The following INSYN2A variants were observed in gnomAD, a reference collection of about 807,000 sequenced individuals.
INSYN2A encodes inhibitory synaptic factor 2A.
Under a neutral mutation model 39.4 loss-of-function variants are expected in INSYN2A, and 17 were observed. The ratio of observed to expected loss-of-function variants is 0.43; its 90% CI spans 0.30 to 0.65. The LOEUF (loss-of-function observed/expected upper bound fraction) is 0.65. INSYN2A is among the 30% of genes least tolerant of loss of function. The probability of loss-of-function intolerance (pLI) is 0.14; values close to 1 mark genes in which losing one functional copy is unlikely to be tolerated. For synonymous variants in INSYN2A, 255 were observed against 265.7 expected, an observed-to-expected ratio of 0.96 and a Z score of 0.39; for missense variants, 595 against 631.2, an observed-to-expected ratio of 0.94 and a Z score of 0.61.
intron 2 of INSYN2A, among the ~76,000 whole-genome samples, chr10:127,184,771 A>G (rs893852405): frequency 1.8e-4 from 27 of 152,126 alleles, no homozygotes. Flanking sequence ...ATTTTCCAGG[A>G]CCGCGCCCTG....
At chr10:127,156,559 CTTCTTTTTTTTT>C (rs2053090624) in intron 4 of INSYN2A, among the ~76,000 whole-genome samples, 1 of 60,180 alleles carries the variant, frequency 1.7e-5, no homozygotes, top group Non-Finnish European at 3.1e-5. Context: ...TCTTCTTCTT[CTTCTTTTTTTTT>C]TTTTTTTTTT....
At chr10:127,151,666 C>T (rs764889946) in intron 5 of INSYN2A, among the ~76,000 whole-genome samples, 2 of 152,162 alleles carry the variant, frequency 1.3e-5, no homozygotes, top group African/African-American at 2.4e-5. Context: ...TAAAAGTTCT[C>T]GATGAGTAGT....
At chr10:127,177,487 C>A (rs2055271947) in intron 2 of INSYN2A, among the ~76,000 whole-genome samples, 1 of 152,252 alleles carries the variant, frequency 6.6e-6, no homozygotes, top group Admixed American at 6.5e-5. Flanking sequence ...GTGAGTGAGG[C>A]TTCGCCTTTT....
chr10:127,147,395 C>T (rs759522630), intron 5 of INSYN2A, among the ~76,000 whole-genome samples: 13 of 152,158 alleles, frequency 8.5e-5, no homozygotes, highest in Admixed American at 3.3e-4. Flanking sequence ...CCTCCCTCCA[C>T]GATTATCTTG....
At chr10:127,192,382 C>T (rs900725213) in intron 2 of INSYN2A, among the ~76,000 whole-genome samples, 4 of 152,186 alleles carry the variant, frequency 2.6e-5, no homozygotes, top group African/African-American at 4.8e-5. Flanking sequence ...TGCTGTTCTA[C>T]ATTCAAGTTA....
chr10:127,138,108 AGT>A, intron 5 of INSYN2A, 88 bp from the exon 6 acceptor site: 1 of 1,163,260 alleles, frequency 8.6e-7, no homozygotes, highest in South Asian at 1.6e-5. Context: ...GGGCATGATC[AGT>A]GTGTGTTTGT....
At position 127,176,406 on chromosome 10, in the gene INSYN2A, T is replaced by G. The variant is rs2055160964; in HGVS notation, c.-5-6A>C. On this transcript the variant is annotated splice_region_variant and splice_polypyrimidine_tract_variant and intron_variant, in intron 3 of 5. Coordinates refer to ENST00000522781, the MANE Select transcript of INSYN2A (RefSeq NM_001039762.3). This position sits in a 1 kb window ranked among gnomAD's most constrained non-coding sequence, Gnocchi z 4.4. ...GTCCTTACTGACCATGGTTCCTGCA[T>G]TCAGAAACAGCAACAGAGGTGTCAG... 6.3e-7 allele frequency: 1 copy of G among 1,587,560 alleles called. No individual in the cohort carries two copies. The highest frequency in any genetic ancestry group is 1.3e-5 in the African/African-American group (1 of 74,568).
intron 4 of INSYN2A, among the ~76,000 whole-genome samples, chr10:127,172,593 C>T (rs529704493): frequency 1.3e-5 from 2 of 152,238 alleles, no homozygotes; most frequent in South Asian, 4.2e-4. Context: ...ATAAGGTGGC[C>T]TTGAATTTTG....
At chr10:127,144,021 C>T (rs1375108418) in intron 5 of INSYN2A, among the ~76,000 whole-genome samples, 1 of 152,176 alleles carries the variant, frequency 6.6e-6, no homozygotes, top group Non-Finnish European at 1.5e-5. Flanking sequence ...GCTCCTCCTG[C>T]CTCAGCATCC....
chr10:127,158,067 T>G (rs533772103), intron 4 of INSYN2A, among the ~76,000 whole-genome samples: 1 of 152,324 alleles, frequency 6.6e-6, no homozygotes, highest in East Asian at 1.9e-4. Context: ...AGGGTTTGGC[T>G]TCACTGATAA....
intron 4 of INSYN2A, among the ~76,000 whole-genome samples, chr10:127,170,916 A>G (rs1052926193): frequency 1.2e-4 from 18 of 152,204 alleles, no homozygotes; most frequent in African/African-American, 4.3e-4. Flanking sequence ...ATTTTAGTGA[A>G]TTGCCCCAGT....
At chr10:127,138,161 A>G (rs926258074) in intron 5 of INSYN2A, 141 bp from the exon 6 acceptor site, 1 of 723,184 alleles carries the variant, frequency 1.4e-6, no homozygotes, top group Non-Finnish European at 2.2e-6. Flanking sequence ...TCGATATACT[A>G]TGTTTTAGCT....
chr10:127,155,809 G>A (rs1464180541), intron 4 of INSYN2A, among the ~76,000 whole-genome samples: 6 of 152,192 alleles, frequency 3.9e-5, no homozygotes, highest in Admixed American at 3.9e-4. Flanking sequence ...TCTAAGCTCA[G>A]TGCTGACCAA....
rs1333893539 is a variant in INSYN2A at position 127,175,674 on chromosome 10, G to A, written c.722C>T (p.Ala241Val). 6.2e-7 allele frequency: 1 copy of A among 1,613,766 alleles called. No individual in the cohort carries two copies. Among genetic ancestry groups the A allele is most frequent in the Non-Finnish European group, 8.5e-7 (1 of 1,179,988 alleles). Residue 241 changes from alanine (A) to valine (V), a missense_variant, in exon 4 of 6, where the codon GCT (alanine) becomes GTT (valine). Around this residue, in one of 2 missense-constraint regions of INSYN2A, gnomAD observed 478 missense variants for 467.4 expected, o/e 1.02. Coordinates refer to ENST00000522781, the MANE Select transcript of INSYN2A (RefSeq NM_001039762.3). This position sits in a 1 kb window ranked among gnomAD's most constrained non-coding sequence, Gnocchi z 6.3. The part of the protein sequence containing the change: ...DRGRPNSEEP[A>V]PPALRRVFKT... ...AAACACCCTCCTGAGGGCAGGTGGA[G>A]CGGGCTCCTCGGAGTTTGGCCTCCC...
At chr10:127,185,040 G>C (rs1294256311) in intron 2 of INSYN2A, among the ~76,000 whole-genome samples, 1 of 152,222 alleles carries the variant, frequency 6.6e-6, no homozygotes, top group African/African-American at 2.4e-5. Context: ...GAGGAGGGAA[G>C]TACTGAGAGT....
intron 2 of INSYN2A, among the ~76,000 whole-genome samples, chr10:127,187,364 C>G (rs2056369257): frequency 6.6e-6 from 1 of 152,166 alleles, no homozygotes. Flanking sequence ...TACTGATGAT[C>G]TGTGAAATGA....
At chr10:127,181,510 A>G (rs1027612590) in intron 2 of INSYN2A, among the ~76,000 whole-genome samples, 2 of 152,194 alleles carry the variant, frequency 1.3e-5, no homozygotes, top group African/African-American at 2.4e-5. Context: ...CAGTCTCCGC[A>G]TATAGTAAGA....
At chr10:127,151,644 T>C (rs60238898) in intron 5 of INSYN2A, among the ~76,000 whole-genome samples, 14,985 of 152,198 alleles carry the variant, frequency 0.098, 2,119 homozygotes, top group African/African-American at 0.31. Context: ...GTCTGTAAAA[T>C]CACATCTGCA....
At chr10:127,160,328 G>A (rs2053488214) in intron 4 of INSYN2A, among the ~76,000 whole-genome samples, 1 of 152,168 alleles carries the variant, frequency 6.6e-6, no homozygotes. Flanking sequence ...TCACAACACT[G>A]TTTCCTTCAT....
Sources: allele counts gnomAD v4.1 joint callset (sites outside exome capture counted in the v4.1 genomes callset), GRCh38; gene constraint gnomAD v4.1.1; regional missense constraint gnomAD v4.1.1; non-coding constraint Gnocchi (gnomAD v3.1); transcripts MANE v1.5; gene names NCBI Gene and HGNC (gene_info 2026-07-23, HGNC 2026-07-21).